The following CAMSAP2 variants were observed in gnomAD, a reference collection of about 807,000 sequenced individuals.
CAMSAP2 encodes the protein calmodulin regulated spectrin associated protein family member 2.
Under a neutral mutation model 146.1 loss-of-function variants are expected in CAMSAP2, and 26 were observed. The observed-to-expected ratio is 0.18, with a 90% CI of 0.13 to 0.25. The LOEUF (loss-of-function observed/expected upper bound fraction) is 0.25. Ranked by LOEUF, CAMSAP2 falls within the 10% of genes least tolerant of loss-of-function variation. CAMSAP2 has a pLI of 1.00. For missense variants in CAMSAP2, 1,381 were observed against 1,759.3 expected (o/e 0.78, Z 3.85); for synonymous variants, 499 against 596.6 (o/e 0.84, Z 2.38).
At position 200,848,100 on chromosome 1, in the gene CAMSAP2, CA is replaced by C; in HGVS notation, c.1334del (p.Asn445ThrfsTer15). 6.2e-7 allele frequency: 1 copy of C among 1,608,470 alleles called. No individual in the cohort carries two copies. The highest frequency in any genetic ancestry group is 8.5e-7 in the Non-Finnish European group (1 of 1,176,710). On this transcript the variant is annotated frameshift_variant, in exon 11 of 17. Coordinates refer to ENST00000358823, the MANE Select transcript of CAMSAP2 (RefSeq NM_203459.4). LOFTEE classifies it high-confidence loss of function. ...DKEDSVQRST[P>X]NRGITRSISN... ...GAAGATAGTGTACAGAGATCCACTC[CA>C]AACCGAGGAATCACTCGTTCTATTA... is the stretch of plus-strand genomic sequence containing the variant.
chr1:200,837,211 T>A (rs1307520248), intron 6 of CAMSAP2, among the ~76,000 whole-genome samples: 2 of 152,210 alleles, frequency 1.3e-5, no homozygotes, highest in African/African-American at 4.8e-5. Context: ...TTCCAGGGTT[T>A]TTATAGTTTT....
intron 10 of CAMSAP2, 67 bp downstream of exon 10, chr1:200,847,776 T>A (rs1022342679): frequency 1.5e-6 from 2 of 1,330,464 alleles, no homozygotes; most frequent in African/African-American, 1.5e-5. Context: ...TCTGTGTCTC[T>A]CTTTTATTGA....
intron 2 of CAMSAP2, among the ~76,000 whole-genome samples, chr1:200,780,871 T>C (rs1235872771): frequency 6.6e-6 from 1 of 152,244 alleles, no homozygotes; most frequent in Non-Finnish European, 1.5e-5. Context: ...CTTTTTCTTT[T>C]CTGTTTCTCA....
Position 200,844,880 on chromosome 1 carries a change from C to G in CAMSAP2, c.1109+11C>G. 2 of 1,441,570 alleles carry G rather than the reference C, an allele frequency of 1.4e-6. No individual in the cohort carries two copies. Among genetic ancestry groups the G allele is most frequent in the Non-Finnish European group, 1.9e-6 (2 of 1,046,416 alleles). The allele number at this position is 1,441,570 out of a possible 1,614,324, so 89.3% of individuals were successfully genotyped here. ...TGACTTCCCTTCAAGGTAAACTCCA[C>G]AATGACTTTATTTTCACCATTTCTA... On this transcript the variant is annotated intron_variant, in intron 8 of 16. Transcript: ENST00000358823.
intron 1 of CAMSAP2, among the ~76,000 whole-genome samples, chr1:200,759,386 C>T (rs893494420): frequency 6.6e-6 from 1 of 150,650 alleles, no homozygotes; most frequent in South Asian, 2.1e-4. Flanking sequence ...TCAAGCAATT[C>T]TACTGTCTCA....
At chr1:200,817,046 G>A (rs1462067953) in intron 4 of CAMSAP2, among the ~76,000 whole-genome samples, 1 of 138,676 alleles carries the variant, frequency 7.2e-6, no homozygotes, top group Non-Finnish European at 1.6e-5. Flanking sequence ...ACATACACAC[G>A]TGTATGTGTA....
intron 3 of CAMSAP2, among the ~76,000 whole-genome samples, chr1:200,809,825 G>A (rs4915459): frequency 0.62 from 94,181 of 152,060 alleles, 29,385 homozygotes; most frequent in East Asian, 0.71. Flanking sequence ...GAGGCTAAGA[G>A]ATCCCAGGTG....
At chr1:200,806,757 GTGTGTGTGTATCTATC>G (rs1465873544) in intron 2 of CAMSAP2, among the ~76,000 whole-genome samples, 1 of 134,828 alleles carries the variant, frequency 7.4e-6, no homozygotes, top group Admixed American at 7.8e-5. Context: ...GTGTGTGTGT[GTGTGTGTGTATCTATC>G]TATCTATCTA....
chr1:200,759,524 ACTT>A (rs1444724253), intron 1 of CAMSAP2, among the ~76,000 whole-genome samples: 1 of 152,098 alleles, frequency 6.6e-6, no homozygotes, highest in African/African-American at 2.4e-5. Context: ...TGATCTGCCC[ACTT>A]CGACCTCCCA....
At chr1:200,792,438 A>T (rs1441540828) in intron 2 of CAMSAP2, among the ~76,000 whole-genome samples, 1 of 152,082 alleles carries the variant, frequency 6.6e-6, no homozygotes, top group African/African-American at 2.4e-5. Context: ...TGAGATCGGG[A>T]GTTTGAGACC....
rs1187228680 is a variant in CAMSAP2 at position 200,816,778 on chromosome 1, GTA to G, written c.645+1140_645+1141del. Among the ~76,000 whole-genome samples the G allele has an allele frequency of 6.1e-4, 66 of 108,238 alleles. 1 individual carries two copies. The highest frequency in any genetic ancestry group is 1.3e-3 in the African/African-American group (38 of 28,318). The allele number at this position is 108,238 out of a possible 152,430, so 71.0% of individuals were successfully genotyped here. On this transcript the variant is annotated intron_variant, in intron 4 of 16. Coordinates refer to ENST00000358823, the MANE Select transcript of CAMSAP2 (RefSeq NM_203459.4). ...TATATGTGTGTACACACACACGCGT[GTA>G]TATATGTGTGTACACACACACGCGT... is the stretch of plus-strand genomic sequence containing the variant.
rs758679933 is a variant in CAMSAP2 at position 200,760,846 on chromosome 1, G to T, written c.147G>T (p.Val49=). ...LVAKAFGTEN[V]PEELQEPFYT... ...TTCCATTAATCTTTATAGAAAATGT[G>T]CCAGAGGAACTTCAAGAACCATTTT... Residue 49 remains valine (V), a synonymous_variant, in exon 2 of 17, where the codon GTG becomes GTT. Transcript: ENST00000358823. 2 of 1,576,584 alleles carry T rather than the reference G, an allele frequency of 1.3e-6. No individual in the cohort carries two copies. Among genetic ancestry groups the T allele is most frequent in the South Asian group, 2.4e-5 (2 of 82,612 alleles).
chr1:200,806,910 T>C (rs1180849389), intron 2 of CAMSAP2, among the ~76,000 whole-genome samples: 2 of 152,078 alleles, frequency 1.3e-5, no homozygotes, highest in Non-Finnish European at 2.9e-5. Context: ...AGTTAAAGAA[T>C]TTTTTACCTT....
intron 4 of CAMSAP2, among the ~76,000 whole-genome samples, chr1:200,821,641 G>A (rs976625719): frequency 9.9e-5 from 15 of 152,202 alleles, no homozygotes; most frequent in South Asian, 2.1e-4. Context: ...GATTACAGGC[G>A]TAAGCCACCA....
chr1:200,850,681 A>G (rs1335276724), intron 11 of CAMSAP2, among the ~76,000 whole-genome samples: 1 of 152,180 alleles, frequency 6.6e-6, no homozygotes, highest in African/African-American at 2.4e-5. Context: ...CATTAGTATA[A>G]AACAGGCAGT....
At chr1:200,747,160 A>G (rs1664357327) in intron 1 of CAMSAP2, among the ~76,000 whole-genome samples, 1 of 152,040 alleles carries the variant, frequency 6.6e-6, no homozygotes, top group Non-Finnish European at 1.5e-5. Context: ...CGGCTTCCCA[A>G]AGTGTTGGGA....
At chr1:200,855,064 A>G (rs187042932) in intron 14 of CAMSAP2, among the ~76,000 whole-genome samples, 175 bp downstream of exon 14, 120 of 150,434 alleles carry the variant, frequency 8.0e-4, no homozygotes, top group African/African-American at 2.8e-3. Flanking sequence ...AAAATAAATT[A>G]TGTAAAGAGG....
chr1:200,832,026 G>T lies in CAMSAP2; in HGVS notation c.646-174G>T, dbSNP rs548113984. On this transcript the variant is annotated intron_variant, in intron 4 of 16. Transcript: ENST00000358823. The surrounding 1 kb of genome is among the most constrained non-coding windows in gnomAD (Gnocchi z 4.2). ...CTTCAAAACTATAGCTATTGTTGCC[G>T]TGTATTTAACTTTGGTAATACCTAG... The T allele has an allele frequency of 1.9e-6, 1 of 535,938 alleles. No homozygotes were observed. Among genetic ancestry groups the T allele is most frequent in the African/African-American group, 1.9e-5 (1 of 51,470 alleles). 33.2% of individuals were successfully genotyped at this position (535,938 alleles called of 1,614,324 possible).
intron 2 of CAMSAP2, among the ~76,000 whole-genome samples, chr1:200,785,691 T>C (rs1665569945): frequency 7.5e-6 from 1 of 132,962 alleles, no homozygotes; most frequent in South Asian, 2.5e-4. Context: ...GCCTGGCTGA[T>C]ATTTTCTTTT....
Sources: gnomAD v4.1 joint callset for allele counts (sites outside exome capture counted in the v4.1 genomes callset) on GRCh38, gnomAD v4.1.1 for gene constraint, Gnocchi (gnomAD v3.1) non-coding constraint, MANE v1.5 for transcripts, NCBI Gene and HGNC (gene_info 2026-07-23, HGNC 2026-07-21) for gene names.